The following SERPINB2 variants were observed in gnomAD, a reference collection of about 807,000 sequenced individuals.
SERPINB2 encodes the protein serpin family B member 2, also known as plasminogen activator inhibitor 2.
In SERPINB2, 28 loss-of-function variants were observed where a neutral mutation model predicts 39.4. The observed-to-expected ratio is 0.71, with a 90% CI of 0.53 to 0.97. SERPINB2 has a LOEUF of 0.97. SERPINB2 is among the 50% of genes least tolerant of loss of function. SERPINB2 has a pLI of 0.00. For missense variants in SERPINB2, 557 were observed against 505.3 expected (o/e 1.10, Z -0.98); for synonymous variants, 209 against 175.1 (o/e 1.19, Z -1.53).
chr18:63,902,311 C>G, intron 6 of SERPINB2, 93 bp from the exon 7 acceptor site: 1 of 1,147,190 alleles, frequency 8.7e-7, no homozygotes, highest in Non-Finnish European at 1.2e-6. Flanking sequence ...ATTTATCCTA[C>G]ACTAAAGTAG....
rs756624300 is a variant in SERPINB2 at position 63,897,047 on chromosome 18, G to A, written c.289-44G>A. 5 of 1,562,824 alleles carry A rather than the reference G, an allele frequency of 3.2e-6. No individual in the cohort carries two copies. In the East Asian group the frequency reaches 1.1e-4, roughly 35 times the overall value. On this transcript the variant is annotated intron_variant, in intron 3 of 7. Transcript: ENST00000299502. ...CATGGCTTAAGAACTATCTTGTTTA[G>A]TAGTTCTGTGTTATATATAAAGAAT...
chr18:63,896,316 G>C (rs2049959149), intron 3 of SERPINB2, among the ~76,000 whole-genome samples: 1 of 152,174 alleles, frequency 6.6e-6, no homozygotes, highest in South Asian at 2.1e-4. Flanking sequence ...CTGACATGGT[G>C]CTTACAAACT....
In SERPINB2 at chr18:63,902,586, TTA is replaced by T; in HGVS notation, c.843+19_843+20del. The T allele has an allele frequency of 1.1e-6, 1 of 922,562 alleles. No homozygotes were observed. The highest frequency in any genetic ancestry group is 1.4e-6 in the Non-Finnish European group (1 of 714,432). The allele number at this position is 922,562 out of a possible 1,614,324, so 57.1% of individuals were successfully genotyped here. On this transcript the variant is annotated intron_variant, in intron 7 of 7. Transcript: ENST00000299502. ...TGGAGCTGGTAAGACATTCAGATAT[TTA>T]AGTTTCTGGGGCTATACCTACCTTT...
intron 5 of SERPINB2, among the ~76,000 whole-genome samples, chr18:63,899,628 T>C (rs2049980359): frequency 6.6e-6 from 1 of 152,204 alleles, no homozygotes; most frequent in Non-Finnish European, 1.5e-5. Context: ...TCCCAGGGGA[T>C]TAGCCGGCTC....
At chr18:63,901,271 G>A (rs1179445413) in intron 5 of SERPINB2, among the ~76,000 whole-genome samples, 2 of 151,962 alleles carry the variant, frequency 1.3e-5, no homozygotes, top group African/African-American at 4.8e-5. Context: ...TCTTGTATCT[G>A]CACTACTCTT....
intron 1 of SERPINB2, among the ~76,000 whole-genome samples, chr18:63,889,272 T>C (rs1008467487): frequency 6.6e-6 from 1 of 152,234 alleles, no homozygotes; most frequent in Non-Finnish European, 1.5e-5. Context: ...TTACACCTTA[T>C]TTAAAAATAT....
intron 5 of SERPINB2, among the ~76,000 whole-genome samples, chr18:63,898,586 A>G (rs2049974625): frequency 1.3e-5 from 2 of 152,240 alleles, no homozygotes; most frequent in Non-Finnish European, 2.9e-5. Context: ...GGAGATAAAG[A>G]TAAAAATGGT....
At chr18:63,895,518 T>G (rs1007581739) in intron 3 of SERPINB2, 135 bp downstream of exon 3, 2 of 1,134,954 alleles carry the variant, frequency 1.8e-6, no homozygotes, top group Non-Finnish European at 2.6e-6. Context: ...AGACTCAGAG[T>G]CATTAAGAAA....
At chr18:63,900,086 T>C (rs1306727566) in intron 5 of SERPINB2, among the ~76,000 whole-genome samples, 1 of 152,158 alleles carries the variant, frequency 6.6e-6, no homozygotes, top group Non-Finnish European at 1.5e-5. Flanking sequence ...GCATGAATTG[T>C]TTTTCTCTTT....
chr18:63,895,325 C>G lies in SERPINB2; in HGVS notation c.230C>G (p.Thr77Ser), dbSNP rs1364729244. The G allele has an allele frequency of 6.2e-7, 1 of 1,614,096 alleles. No individual in the cohort carries two copies. Among genetic ancestry groups the G allele is most frequent in the Admixed American group, 1.7e-5 (1 of 60,016 alleles). Residue 77 changes from threonine (T) to serine (S), a missense_variant, in exon 3 of 8, where the codon ACC becomes AGC. By Grantham distance (58) the Thr-to-Ser change is moderately conservative. Coordinates refer to ENST00000299502, the MANE Select transcript of SERPINB2 (RefSeq NM_002575.3). The stretch of plus-strand genomic sequence containing the variant: ...ACCCCCATGACTCCAGAGAACTTTA[C>G]CAGCTGTGGGTTCATGCAGCAGATC... Reference protein sequence around the residue: ...AVTPMTPENFTSCGFMQQIQK... With the variant: ...AVTPMTPENFSSCGFMQQIQK...
At chr18:63,897,666 T>G in intron 4 of SERPINB2, 61 bp from the exon 5 acceptor site, 2 of 1,150,402 alleles carry the variant, frequency 1.7e-6, no homozygotes, top group Non-Finnish European at 2.6e-6. Context: ...TAATTCACCA[T>G]TATGCCATGG....
chr18:63,901,765 A>G lies in SERPINB2; in HGVS notation c.561A>G (p.Glu187=). The G allele has an allele frequency of 3.8e-6, 6 of 1,562,676 alleles. No homozygotes were observed. Among genetic ancestry groups the G allele is most frequent in the South Asian group, 2.5e-5 (2 of 80,104 alleles). Residue 187 remains glutamate, a synonymous_variant, in exon 6 of 8, where the codon GAA becomes GAG. Transcript: ENST00000299502. ...TKGKIPNLLP[E]GSVDGDTRMV... The stretch of plus-strand genomic sequence containing the variant: ...GCAAAATCCCAAACTTGTTACCTGA[A>G]GGTTCTGTAGATGGGGATACCAGGA...
chr18:63,895,470 A>G, intron 3 of SERPINB2, 87 bp downstream of exon 3: 1 of 1,510,018 alleles, frequency 6.6e-7, no homozygotes, highest in Non-Finnish European at 9.2e-7. Context: ...CTGGGAAGGA[A>G]GCGAATATAC....
intron 1 of SERPINB2, chr18:63,890,102 G>C (rs1458593793): frequency 6.6e-6 from 1 of 152,204 alleles, no homozygotes; most frequent in Non-Finnish European, 1.5e-5. Flanking sequence ...GGAGGTGAGA[G>C]AGTTTTAGGG....
At chr18:63,901,267 A>G (rs965114394) in intron 5 of SERPINB2, among the ~76,000 whole-genome samples, 3 of 152,130 alleles carry the variant, frequency 2.0e-5, no homozygotes, top group Admixed American at 2.0e-4. Context: ...CATCTCTTGT[A>G]TCTGCACTAC....
At position 63,903,339 on chromosome 18, in the gene SERPINB2, T is replaced by C; in HGVS notation, c.*34T>C. 1 of 1,479,082 alleles carries C rather than the reference T, an allele frequency of 6.8e-7. No homozygotes were observed. Among genetic ancestry groups the C allele is most frequent in the Non-Finnish European group, 9.0e-7 (1 of 1,115,570 alleles). The allele number at this position is 1,479,082 out of a possible 1,614,324, so 91.6% of individuals were successfully genotyped here. Reference sequence around the variant, plus strand: ...GTGCTGCTTCTGCAAAAGATTTTTGTAGATGAGCTGTGTGCCTCAGAATTG... The same window carrying C: ...GTGCTGCTTCTGCAAAAGATTTTTGCAGATGAGCTGTGTGCCTCAGAATTG... On this transcript the variant is annotated 3_prime_UTR_variant, in exon 8 of 8. Coordinates refer to ENST00000299502, the MANE Select transcript of SERPINB2 (RefSeq NM_002575.3).
intron 2 of SERPINB2, 73 bp from the exon 3 acceptor site, chr18:63,895,191 T>C: frequency 1.3e-6 from 2 of 1,582,198 alleles, no homozygotes; most frequent in Non-Finnish European, 8.6e-7. Context: ...TAGAGCCACC[T>C]GATAGCCATC....
intron 1 of SERPINB2, among the ~76,000 whole-genome samples, chr18:63,888,675 AAGTTTC>A (rs1418784664): frequency 6.6e-6 from 1 of 152,180 alleles, no homozygotes; most frequent in African/African-American, 2.4e-5. Context: ...TCCCTGTGCC[AAGTTTC>A]AGTGGTGCAT....
At chr18:63,897,057 G>A (rs1568236685) in intron 3 of SERPINB2, 34 bp from the exon 4 acceptor site, 3 of 1,600,692 alleles carry the variant, frequency 1.9e-6, no homozygotes, top group Admixed American at 1.7e-5. Flanking sequence ...GTAGTTCTGT[G>A]TTATATATAA....
Sources: gnomAD v4.1 joint callset for allele counts (sites outside exome capture counted in the v4.1 genomes callset) on GRCh38, gnomAD v4.1.1 for gene constraint, MANE v1.5 for transcripts, NCBI Gene and HGNC (gene_info 2026-07-23, HGNC 2026-07-21) for gene names.